The following DGKB variants were observed in gnomAD, a reference collection of about 807,000 sequenced individuals.
DGKB encodes the protein diacylglycerol kinase beta.
A neutral mutation model predicts 114.3 loss-of-function variants in DGKB; 67 were observed. That is an observed-to-expected ratio of 0.59 (90% CI 0.48 to 0.72). The LOEUF is 0.72. Ranked by LOEUF, DGKB falls within the 30% of genes least tolerant of loss-of-function variation. The pLI is 0.00. For missense variants in DGKB, 907 were observed against 975.2 expected (o/e 0.93, Z 0.93); for synonymous variants, 398 against 323.1 (o/e 1.23, Z -2.49).
intron 7 of DGKB, among the ~76,000 whole-genome samples, chr7:14,698,922 T>C (rs1241836404): frequency 6.6e-6 from 1 of 152,146 alleles, no homozygotes; most frequent in African/African-American, 2.4e-5. Context: ...TGAAAAGTGG[T>C]GTTTTACCGT....
At chr7:14,608,846 G>A (rs181788567) in intron 16 of DGKB, among the ~76,000 whole-genome samples, 63 of 151,858 alleles carry the variant, frequency 4.1e-4, no homozygotes, top group Admixed American at 1.7e-3. Flanking sequence ...GAAATACCTC[G>A]GAATACAACT....
intron 1 of DGKB, among the ~76,000 whole-genome samples, chr7:14,962,830 T>A (rs996159459): frequency 3.9e-5 from 6 of 152,182 alleles, no homozygotes; most frequent in Non-Finnish European, 1.5e-5. Context: ...TAAGCTATTA[T>A]ATGATTCAGG....
At chr7:14,894,164 T>C (rs1282284527) in intron 1 of DGKB, among the ~76,000 whole-genome samples, 2 of 151,416 alleles carry the variant, frequency 1.3e-5, no homozygotes, top group Non-Finnish European at 3.0e-5. Flanking sequence ...CCGATTCTCA[T>C]GTGAAGGACT....
At chr7:14,240,938 A>C (rs1031750479) in intron 23 of DGKB, among the ~76,000 whole-genome samples, 3 of 152,144 alleles carry the variant, frequency 2.0e-5, no homozygotes, top group Non-Finnish European at 4.4e-5. Context: ...GCCTTTAGAC[A>C]GAATCTCTCC....
chr7:14,493,758 T>C (rs1784907911), intron 20 of DGKB, among the ~76,000 whole-genome samples: 1 of 152,046 alleles, frequency 6.6e-6, no homozygotes, highest in Admixed American at 6.6e-5. Context: ...ATTTGATTAA[T>C]ATTTCAGACT....
At chr7:14,213,073 CA>C (rs1489963999) in intron 23 of DGKB, among the ~76,000 whole-genome samples, 2 of 151,872 alleles carry the variant, frequency 1.3e-5, no homozygotes, top group Admixed American at 6.6e-5. Flanking sequence ...TGTACCAGTT[CA>C]ATTTGAAATA....
At chr7:14,624,957 C>G (rs886493221) in intron 14 of DGKB, among the ~76,000 whole-genome samples, 1 of 151,922 alleles carries the variant, frequency 6.6e-6, no homozygotes, top group South Asian at 2.1e-4. Flanking sequence ...AAGATTGTAC[C>G]ACTGAACTCC....
chr7:14,561,938 G>C (rs557025515), intron 20 of DGKB, among the ~76,000 whole-genome samples: 58 of 152,228 alleles, frequency 3.8e-4, no homozygotes, highest in Non-Finnish European at 7.3e-4. Flanking sequence ...GAGCATGCGA[G>C]AGACATTGTG....
intron 23 of DGKB, among the ~76,000 whole-genome samples, chr7:14,323,763 C>T (rs1269912091): frequency 1.3e-5 from 2 of 152,168 alleles, no homozygotes; most frequent in Non-Finnish European, 2.9e-5. Context: ...GATTGGCTGA[C>T]ACATATTAAA....
intron 17 of DGKB, among the ~76,000 whole-genome samples, chr7:14,586,502 C>T (rs1300705783): frequency 1.3e-5 from 2 of 152,168 alleles, no homozygotes; most frequent in East Asian, 3.9e-4. Flanking sequence ...GATCTAGCTA[C>T]AATTATTGAT....
chr7:14,338,497 A>G lies in DGKB; in HGVS notation c.2122+18T>C. On this transcript the variant is annotated intron_variant, in intron 23 of 25. Coordinates refer to ENST00000402815, the MANE Select transcript of DGKB (RefSeq NM_001350709.2). ...CAGGTTAACAAGCAATTTAACAACT[A>G]ATTGTTAGAAAACTGACCTTGACTT... The G allele has an allele frequency of 6.6e-7, 1 of 1,514,502 alleles. No homozygotes were observed. The highest frequency in any genetic ancestry group is 1.3e-5 in the South Asian group (1 of 74,716). The allele number at this position is 1,514,502 out of a possible 1,614,324, so 93.8% of individuals were successfully genotyped here. A position where few individuals can be genotyped will look rare whatever the true frequency, so the allele number is the denominator to read the frequency against.
At position 14,376,705 on chromosome 7, in the gene DGKB, T is replaced by A. The variant is rs1010077213; in HGVS notation, c.1836-31314A>T. 1.3e-5 allele frequency among the ~76,000 whole-genome samples: 2 copies of A among 152,134 alleles called. 1 individual carries two copies. The highest frequency in any genetic ancestry group is 2.9e-5 in the Non-Finnish European group (2 of 68,020). On this transcript the variant is annotated intron_variant, in intron 21 of 25. Coordinates refer to ENST00000402815, the MANE Select transcript of DGKB (RefSeq NM_001350709.2). ...TCCCCCCAGCCCCTTCAGTAGCACA[T>A]GTGTTGCCTGTTTGAATACTAAACG...
intron 25 of DGKB, 134 bp from the exon 26 acceptor site, chr7:14,149,372 A>T (rs1781848534): frequency 1.6e-6 from 1 of 618,490 alleles, no homozygotes; most frequent in Admixed American, 3.4e-5. Flanking sequence ...TGTAAAATGT[A>T]ATTTCAGAGT....
intron 20 of DGKB, among the ~76,000 whole-genome samples, chr7:14,530,860 C>A (rs1791471628): frequency 6.6e-6 from 1 of 151,650 alleles, no homozygotes; most frequent in African/African-American, 2.4e-5. Flanking sequence ...TGAATACAAA[C>A]TTTATTTCCC....
chr7:14,692,275 A>C (rs1823006202), intron 9 of DGKB, among the ~76,000 whole-genome samples: 1 of 152,112 alleles, frequency 6.6e-6, no homozygotes, highest in Non-Finnish European at 1.5e-5. Flanking sequence ...CGACTACCAG[A>C]TGATTTACTT....
rs191047727 is a variant in DGKB, at chr7:14,285,522, A to G, written c.2122+52993T>C. ...AATTAAATATACACTGATTTAGCAA[A>G]AGCCAATAAAATATTATTTTCAGCT... On this transcript the variant is annotated intron_variant, in intron 23 of 25. Transcript: ENST00000402815. Among the ~76,000 whole-genome samples the G allele has an allele frequency of 2.0e-5, 3 of 152,262 alleles. No homozygotes were observed. In the East Asian group the frequency reaches 5.8e-4, roughly 29 times the overall value.
At chr7:14,884,227 C>G (rs1375918254) in intron 1 of DGKB, among the ~76,000 whole-genome samples, 1 of 151,776 alleles carries the variant, frequency 6.6e-6, no homozygotes, top group Non-Finnish European at 1.5e-5. Flanking sequence ...ACAATCAGAC[C>G]CTTGTTCTAG....
At chr7:14,760,486 C>A (rs559115524) in intron 2 of DGKB, among the ~76,000 whole-genome samples, 1 of 152,054 alleles carries the variant, frequency 6.6e-6, no homozygotes, top group Non-Finnish European at 1.5e-5. Context: ...AGACATGAAG[C>A]TGACCCCTTA....
intron 1 of DGKB, among the ~76,000 whole-genome samples, chr7:14,865,614 G>T (rs185087670): frequency 1.3e-5 from 2 of 152,254 alleles, no homozygotes; most frequent in Admixed American, 6.5e-5. Flanking sequence ...GCCTAAAATG[G>T]TTCCTGTATC....
Sources: allele counts gnomAD v4.1 joint callset (sites outside exome capture counted in the v4.1 genomes callset), GRCh38; gene constraint gnomAD v4.1.1; transcripts MANE v1.5; gene names NCBI Gene and HGNC (gene_info 2026-07-23, HGNC 2026-07-21).